Variants in ZNF469 observed in about 807,000 individuals in gnomAD.
The protein encoded by ZNF469 is zinc finger protein 469.
In ZNF469, 1 loss-of-function variant was observed where a neutral mutation model predicts 1.0. The observed-to-expected ratio is 1.00, with a 90% CI of 0.35 to 4.73. ZNF469 has a LOEUF of 4.73. ZNF469 is among the 30% of genes most tolerant of loss of function. The pLI is 0.16. For missense variants in ZNF469, 6,100 were observed against 5,356.3 expected (o/e 1.14, Z -4.33); for synonymous variants, 2,703 against 2,363.4 (o/e 1.14, Z -4.17).
chr16:88,134,746 C>T, the ZNF469 span, among the ~76,000 whole-genome samples: 4 of 152,204 alleles, frequency 2.6e-5, no homozygotes, highest in Admixed American at 2.0e-4. Flanking sequence ...GCCTGGGCCT[C>T]GAGCAAGCTG....
chr16:88,416,846 G>A (rs767918454), intron 1 of ZNF469, among the ~76,000 whole-genome samples: 4 of 152,210 alleles, frequency 2.6e-5, no homozygotes, highest in South Asian at 2.1e-4. Context: ...CTCGCTCCCC[G>A]GGAGGGGTAC....
At chr16:88,247,588 C>G in the ZNF469 span, among the ~76,000 whole-genome samples, 1 of 130,016 alleles carries the variant, frequency 7.7e-6, no homozygotes, top group Non-Finnish European at 1.6e-5. Flanking sequence ...GAGTGAATGA[C>G]TGAGTGAACG....
At chr16:88,404,482 T>A (rs1037762506) in intron 1 of ZNF469, among the ~76,000 whole-genome samples, 16 of 152,164 alleles carry the variant, frequency 1.1e-4, no homozygotes, top group Non-Finnish European at 2.4e-4. Flanking sequence ...TTGGCCATGT[T>A]CTGTTAGGCC....
the ZNF469 span, among the ~76,000 whole-genome samples, chr16:88,115,446 C>T: frequency 1.3e-5 from 2 of 152,058 alleles, no homozygotes; most frequent in Non-Finnish European, 2.9e-5. Context: ...CAGCTCATGT[C>T]AGCCTTGCAC....
intron 1 of ZNF469, among the ~76,000 whole-genome samples, chr16:88,406,049 G>A (rs987271263): frequency 2.0e-5 from 3 of 152,240 alleles, no homozygotes; most frequent in African/African-American, 7.2e-5. Context: ...GGTGGCGGGA[G>A]CCAGGGACAA....
rs2142316922 is a variant in ZNF469 at position 88,438,513 on chromosome 16, G to T, written c.11043G>T (p.Lys3681Asn). The change falls in exon 3 of 3, where the codon AAG (lysine) becomes AAT (asparagine). Residue 3681 changes from lysine to asparagine, a missense_variant. Transcript: ENST00000565624. Reference protein sequence around the residue: ...TKPAGCQSSSKDRSAASTPSK... With the variant: ...TKPAGCQSSSNDRSAASTPSK... ...CTGCGGGCTGCCAGAGCTCATCAAA[G>T]GACAGGTCGGCAGCATCCACCCCCA... 3 of 1,550,128 alleles carry T rather than the reference G, an allele frequency of 1.9e-6. No homozygotes were observed. The East Asian group carries it at 7.3e-5, about 38-fold the overall frequency.
chr16:88,429,023 A>C lies in ZNF469; in HGVS notation c.1553A>C (p.Gln518Pro). The C allele has an allele frequency of 6.5e-7, 1 of 1,549,256 alleles. No homozygotes were observed. The highest frequency in any genetic ancestry group is 8.7e-7 in the Non-Finnish European group (1 of 1,146,782). Residue 518 changes from glutamine to proline, a missense_variant, in exon 3 of 3, where the codon CAA (glutamine) becomes CCA (proline). Coordinates refer to ENST00000565624, the MANE Select transcript of ZNF469 (RefSeq NM_001367624.2). ...AGGPEWQGGSQGALGTAGKTP... is the reference protein window; with the variant it reads ...AGGPEWQGGSPGALGTAGKTP... ...GGCCCCGAGTGGCAGGGGGGCAGCC[A>C]AGGAGCCCTGGGCACTGCTGGCAAG...
rs552550397 is a variant in ZNF469 at position 88,439,719 on chromosome 16, G to A, written c.*387G>A. On this transcript the variant is annotated 3_prime_UTR_variant, in exon 3 of 3. Transcript: ENST00000565624. ...CTCCCGTTCCCCCACATGGAGAAGG[G>A]AAGTAAGTTGAGGCAGCCGTGGGAT... 221 of 290,692 alleles carry A rather than the reference G, an allele frequency of 7.6e-4. No individual in the cohort carries two copies. The highest frequency in any genetic ancestry group is 1.3e-3 in the Non-Finnish European group (199 of 152,066). 18.0% of individuals were successfully genotyped at this position (290,692 alleles called of 1,614,324 possible). A position where few individuals can be genotyped will look rare whatever the true frequency, so the allele number is the denominator to read the frequency against.
intron 1 of ZNF469, among the ~76,000 whole-genome samples, chr16:88,418,182 C>G (rs956361695): frequency 6.6e-6 from 1 of 152,200 alleles, no homozygotes; most frequent in Non-Finnish European, 1.5e-5. Flanking sequence ...GGTGTGATGC[C>G]GGCAGTGAGG....
chr16:88,384,075 G>A (rs1013284916), intron 1 of ZNF469, among the ~76,000 whole-genome samples: 6 of 152,258 alleles, frequency 3.9e-5, no homozygotes, highest in East Asian at 3.9e-4. Flanking sequence ...CTCCTGCAGC[G>A]GAGGCGGTTA....
At chr16:88,120,715 C>G in the ZNF469 span, among the ~76,000 whole-genome samples, 1 of 152,218 alleles carries the variant, frequency 6.6e-6, no homozygotes, top group African/African-American at 2.4e-5. Context: ...TGGCAGCTCC[C>G]AGCACGGTGG....
At chr16:88,423,104 A>ATGGG (rs1360058695) in intron 1 of ZNF469, among the ~76,000 whole-genome samples, 3 of 138,048 alleles carry the variant, frequency 2.2e-5, no homozygotes, top group African/African-American at 8.2e-5. Context: ...TGATGGATGG[A>ATGGG]TGGGTGGATG....
At chr16:88,243,843 G>T in the ZNF469 span, among the ~76,000 whole-genome samples, 12 of 145,808 alleles carry the variant, frequency 8.2e-5, no homozygotes, top group Non-Finnish European at 1.7e-4. Flanking sequence ...AGGATGGATG[G>T]GTGCATGGAT....
chr16:88,342,394 C>G, the ZNF469 span, among the ~76,000 whole-genome samples: 7 of 152,130 alleles, frequency 4.6e-5, no homozygotes, highest in Admixed American at 2.0e-4. Context: ...GTTCCCTGTG[C>G]CCCGCTCATG....
At chr16:88,244,113 G>GTGGATGGA in the ZNF469 span, among the ~76,000 whole-genome samples, 1 of 132,422 alleles carries the variant, frequency 7.6e-6, no homozygotes, top group Middle Eastern at 5.1e-3. Context: ...GGGTGGGTGG[G>GTGGATGGA]TGGATGGATG....
At chr16:88,152,997 G>A in the ZNF469 span, among the ~76,000 whole-genome samples, 5 of 152,190 alleles carry the variant, frequency 3.3e-5, no homozygotes, top group Admixed American at 6.5e-5. The surrounding 1 kb of genome is among the most constrained non-coding windows in gnomAD (Gnocchi z 4.2). Context: ...CCGTGGCTCC[G>A]GCTGGCGTCT....
chr16:88,321,218 G>C, the ZNF469 span, among the ~76,000 whole-genome samples: 1 of 152,258 alleles, frequency 6.6e-6, no homozygotes, highest in Admixed American at 6.5e-5. Flanking sequence ...TTTCCCCCTC[G>C]GGATCTTGCT....
the ZNF469 span, among the ~76,000 whole-genome samples, chr16:88,350,927 A>G: frequency 2.0e-5 from 3 of 152,252 alleles, no homozygotes; most frequent in African/African-American, 7.2e-5. Flanking sequence ...TCGTGGAAGC[A>G]GTGAGAGTGA....
At chr16:88,297,376 C>T in the ZNF469 span, among the ~76,000 whole-genome samples, 6 of 152,360 alleles carry the variant, frequency 3.9e-5, no homozygotes, top group South Asian at 2.1e-4. Context: ...CCACCCTCCA[C>T]GTCCGCTTTC....
Sources: gnomAD v4.1 joint callset for allele counts (sites outside exome capture counted in the v4.1 genomes callset) on GRCh38, gnomAD v4.1.1 for gene constraint, Gnocchi (gnomAD v3.1) non-coding constraint, MANE v1.5 for transcripts, NCBI Gene and HGNC (gene_info 2026-07-23, HGNC 2026-07-21) for gene names.